XPO5: variants seen among roughly 807,000 people sequenced by gnomAD.
The protein encoded by XPO5 is exportin-5.
In XPO5, 46 loss-of-function variants were observed where a neutral mutation model predicts 160.6. That is an observed-to-expected ratio of 0.29 (90% CI 0.23 to 0.37). The LOEUF is 0.37. Ranked by LOEUF, XPO5 falls within the 10% of genes least tolerant of loss-of-function variation. The probability of loss-of-function intolerance (pLI) is 1.00; values close to 1 mark genes in which losing one functional copy is unlikely to be tolerated. For synonymous variants in XPO5, 537 were observed against 519.3 expected, an observed-to-expected ratio of 1.03 and a Z score of -0.46; for missense variants, 1,090 against 1,463.9, an observed-to-expected ratio of 0.74 and a Z score of 4.17.
rs113717689 is a variant in XPO5 at position 43,573,689 on chromosome 6, C to T, written c.106-88G>A. On this transcript the variant is annotated intron_variant, in intron 1 of 31. Coordinates refer to ENST00000265351, the MANE Select transcript of XPO5 (RefSeq NM_020750.3). Reference sequence around the variant, plus strand: ...CATCTTAAGAAACTCCAACCAGGGCCGGGTGCGGTGGCTCACACCTGTCCC... The same window carrying T: ...CATCTTAAGAAACTCCAACCAGGGCTGGGTGCGGTGGCTCACACCTGTCCC... 61 of 1,462,928 alleles carry T rather than the reference C, an allele frequency of 4.2e-5. 1 individual carries two copies. In the East Asian group the frequency reaches 1.1e-3, roughly 27 times the overall value. The allele number at this position is 1,462,928 out of a possible 1,614,324, so 90.6% of individuals were successfully genotyped here. A position where few individuals can be genotyped will look rare whatever the true frequency, so the allele number is the denominator to read the frequency against.
chr6:43,574,764 G>A (rs777992144), intron 1 of XPO5, among the ~76,000 whole-genome samples: 2 of 152,196 alleles, frequency 1.3e-5, no homozygotes, highest in Admixed American at 6.5e-5. Flanking sequence ...GAATTTAGGT[G>A]ACAGGAACAT....
chr6:43,548,591 G>T (rs1795077002), intron 17 of XPO5, 131 bp from the exon 18 acceptor site: 1 of 776,980 alleles, frequency 1.3e-6, no homozygotes, highest in Non-Finnish European at 1.9e-6. Context: ...TTATTATTTG[G>T]TAATTCTGTT....
At chr6:43,557,357 C>T (rs1249629003) in intron 12 of XPO5, among the ~76,000 whole-genome samples, 1 of 151,240 alleles carries the variant, frequency 6.6e-6, no homozygotes, top group Non-Finnish European at 1.5e-5. Context: ...ATCCGGGAGG[C>T]AGAGGTTGCA....
chr6:43,526,476 G>A (rs1234569070), intron 27 of XPO5: 3 of 588,514 alleles, frequency 5.1e-6, no homozygotes, highest in South Asian at 4.0e-5. Flanking sequence ...TGGTTGGGAG[G>A]AAATCATCTG....
chr6:43,554,809 C>T (rs1276407225), intron 13 of XPO5, among the ~76,000 whole-genome samples: 1 of 152,174 alleles, frequency 6.6e-6, no homozygotes, highest in East Asian at 1.9e-4. Flanking sequence ...TGGGCTTCCT[C>T]AACCTTTCAA....
At position 43,562,346 on chromosome 6, in the gene XPO5, C is replaced by T. The variant is rs577775126; in HGVS notation, c.912G>A (p.Gln304=). 6.1e-5 allele frequency: 98 copies of T among 1,602,540 alleles called. 1 individual carries two copies. The highest frequency in any genetic ancestry group is 5.2e-4 in the African/African-American group (39 of 74,806). ...CTACCAAACCTCCTCCATCAGCAGT[C>T]CTGTAAGATGAGAATTCCTTATATC... ...VAMHYILSAA[Q]TADGGGLVEK... The change falls in exon 9 of 32, where the codon CAG becomes CAA. Residue 304 remains glutamine, a splice_region_variant and synonymous_variant. Coordinates refer to ENST00000265351, the MANE Select transcript of XPO5 (RefSeq NM_020750.3).
At chr6:43,563,760 G>C (rs1762538491) in intron 8 of XPO5, among the ~76,000 whole-genome samples, 1 of 152,146 alleles carries the variant, frequency 6.6e-6, no homozygotes, top group Non-Finnish European at 1.5e-5. Context: ...TGGTATAAAT[G>C]ATAAAAGATG....
In XPO5 at chr6:43,546,792, A is replaced by G. The variant is rs759740777; in HGVS notation, c.2161-40T>C. ...GAATGACAGATAAATATTAAAAGGA[A>G]AAAAAAAAAAAGACCAAATACTGTT... On this transcript the variant is annotated intron_variant, in intron 19 of 31. Transcript: ENST00000265351. The G allele has an allele frequency of 2.3e-5, 29 of 1,266,414 alleles. No homozygotes were observed. In the African/African-American group the frequency reaches 3.1e-4, roughly 14 times the overall value. The allele number at this position is 1,266,414 out of a possible 1,614,324, so 78.4% of individuals were successfully genotyped here.
Position 43,538,855 on chromosome 6 carries a change from C to A in XPO5, c.2343-4848G>T, listed in dbSNP as rs112426863. ...TAGCCACAGCTGGAGCCTGGGTCTGCTGCACAGAGACTCTGGTGTGGGTCT... is the reference window on the plus strand; with the variant it reads ...TAGCCACAGCTGGAGCCTGGGTCTGATGCACAGAGACTCTGGTGTGGGTCT... On this transcript the variant is annotated intron_variant, in intron 20 of 31. Coordinates refer to ENST00000265351, the MANE Select transcript of XPO5 (RefSeq NM_020750.3). 3 of 1,263,908 alleles carry A rather than the reference C, an allele frequency of 2.4e-6. No homozygotes were observed. In the East Asian group the frequency reaches 7.0e-5, roughly 29 times the overall value. 78.3% of individuals were successfully genotyped at this position (1,263,908 alleles called of 1,614,324 possible).
At chr6:43,529,568 A>AAT (rs1793829555) in intron 23 of XPO5, 1 of 182,396 alleles carries the variant, frequency 5.5e-6, no homozygotes, top group African/African-American at 2.4e-5. Context: ...AAAAAAAAAA[A>AAT]GAAAAGAAAG....
chr6:43,567,424 G>T (rs1308553845), intron 6 of XPO5, 70 bp from the exon 7 acceptor site: 1 of 1,373,180 alleles, frequency 7.3e-7, no homozygotes, highest in Non-Finnish European at 9.8e-7. Context: ...GGTTATAACT[G>T]AACTCCCATT....
chr6:43,542,114 T>C (rs1794726471), intron 20 of XPO5, among the ~76,000 whole-genome samples: 1 of 152,186 alleles, frequency 6.6e-6, no homozygotes, highest in Non-Finnish European at 1.5e-5. Flanking sequence ...ATTTTATACT[T>C]ACAGTTCATC....
At position 43,560,057 on chromosome 6, in the gene XPO5, G is replaced by A. The variant is rs1216704232; in HGVS notation, c.1221+121C>T. On this transcript the variant is annotated intron_variant, in intron 11 of 31. Transcript: ENST00000265351. ...TGGTCTCCAACTCCTGGGCTCAAGC[G>A]ATCCTCCCGCCTCAGCCTTCCATAG... 24 of 1,260,870 alleles carry A rather than the reference G, an allele frequency of 1.9e-5. No individual in the cohort carries two copies. In the East Asian group the frequency reaches 3.1e-4, roughly 16 times the overall value. The allele number at this position is 1,260,870 out of a possible 1,614,324, so 78.1% of individuals were successfully genotyped here.
At chr6:43,575,428 G>C (rs985784453) in intron 1 of XPO5, among the ~76,000 whole-genome samples, 2 of 152,118 alleles carry the variant, frequency 1.3e-5, no homozygotes, top group South Asian at 4.1e-4. Context: ...AGGGGATGTC[G>C]GGCTTGGGGA....
At chr6:43,552,697 C>A (rs1288278066) in intron 14 of XPO5, among the ~76,000 whole-genome samples, 1 of 152,166 alleles carries the variant, frequency 6.6e-6, no homozygotes, top group Non-Finnish European at 1.5e-5. Flanking sequence ...TGGATTATAT[C>A]TTTTGTCTAT....
chr6:43,527,889 CATT>C (rs1311599469), intron 25 of XPO5, among the ~76,000 whole-genome samples, 158 bp from the exon 26 acceptor site: 32 of 152,296 alleles, frequency 2.1e-4, no homozygotes, highest in Middle Eastern at 3.4e-3. Flanking sequence ...CACTGAAGGA[CATT>C]ATTACTAGTG....
chr6:43,549,360 G>T, intron 17 of XPO5, 129 bp downstream of exon 17: 1 of 891,230 alleles, frequency 1.1e-6, no homozygotes. Flanking sequence ...CACCATGCCC[G>T]GCCAAGGATG....
Position 43,531,526 on chromosome 6 carries a change from G to A in XPO5, c.2493C>T (p.Thr831=), listed in dbSNP as rs149690088. ...AGAAACGCTGCATTCTTTCCAAGAC[G>A]GTTTTGAAGACAGGAGAGTCATTGA... The part of the protein sequence containing the change: ...LELNDSPVFK[T]VLERMQRFFS... The change falls in exon 22 of 32, where the codon ACC becomes ACT. Residue 831 remains threonine, a synonymous_variant. Transcript: ENST00000265351. 263 of 1,613,924 alleles carry A rather than the reference G, an allele frequency of 1.6e-4. 1 individual carries two copies. The African/African-American group carries it at 2.8e-3, about 17-fold the overall frequency.
At chr6:43,539,061 T>G in intron 20 of XPO5, 1 of 1,514,364 alleles carries the variant, frequency 6.6e-7, no homozygotes, top group Non-Finnish European at 9.0e-7. Flanking sequence ...CCAGCCATCA[T>G]GAGCAGCTTC....
Sources: allele counts gnomAD v4.1 joint callset (sites outside exome capture counted in the v4.1 genomes callset), GRCh38; gene constraint gnomAD v4.1.1; transcripts MANE v1.5; gene names NCBI Gene and HGNC (gene_info 2026-07-23, HGNC 2026-07-21).